Variants in ITGA8 observed in about 807,000 individuals in gnomAD.
ITGA8 encodes the protein integrin alpha-8.
ITGA8 carries 91 observed loss-of-function variants against 142.3 expected under a neutral mutation model. That is an observed-to-expected ratio of 0.64 (90% CI 0.54 to 0.76). The LOEUF is 0.76. Ranked by LOEUF, ITGA8 falls within the 30% of genes least tolerant of loss-of-function variation. The pLI is 0.00. For synonymous variants in ITGA8, 505 were observed against 485.2 expected, an observed-to-expected ratio of 1.04 and a Z score of -0.54; for missense variants, 1,406 against 1,327.7, an observed-to-expected ratio of 1.06 and a Z score of -0.92.
intron 25 of ITGA8, among the ~76,000 whole-genome samples, chr10:15,566,975 T>C (rs1240024348): frequency 3.4e-5 from 5 of 149,118 alleles, no homozygotes; most frequent in African/African-American, 9.8e-5. Context: ...CTGGCCAACA[T>C]GGTGAAAACC....
chr10:15,639,131 TAAAA>T (rs74315607), intron 13 of ITGA8, among the ~76,000 whole-genome samples: 3 of 141,478 alleles, frequency 2.1e-5, no homozygotes, highest in Middle Eastern at 3.2e-3. Context: ...TCCTATCTCT[TAAAA>T]AAAAAAAAAA....
chr10:15,552,999 A>G (rs1249120221), intron 26 of ITGA8, among the ~76,000 whole-genome samples: 1 of 152,186 alleles, frequency 6.6e-6, no homozygotes, highest in East Asian at 1.9e-4. Context: ...GCTCACACCT[A>G]TAACCCCAGC....
intron 27 of ITGA8, among the ~76,000 whole-genome samples, chr10:15,535,361 G>C (rs531283679): frequency 6.6e-6 from 1 of 152,234 alleles, no homozygotes; most frequent in Non-Finnish European, 1.5e-5. Flanking sequence ...CACCTGCGGC[G>C]CCGGTGCGGG....
At chr10:15,634,609 C>T (rs1400896735) in intron 13 of ITGA8, among the ~76,000 whole-genome samples, 1 of 152,144 alleles carries the variant, frequency 6.6e-6, no homozygotes, top group Non-Finnish European at 1.5e-5. Context: ...ACATGGAAGT[C>T]ACTCAACACA....
intron 25 of ITGA8, among the ~76,000 whole-genome samples, chr10:15,564,181 C>T (rs1834033536): frequency 6.6e-6 from 1 of 152,188 alleles, no homozygotes; most frequent in African/African-American, 2.4e-5. Context: ...CACTCTTAAA[C>T]ACCATAGTCA....
chr10:15,613,331 A>G (rs1274332907), intron 15 of ITGA8, among the ~76,000 whole-genome samples: 1 of 152,204 alleles, frequency 6.6e-6, no homozygotes, highest in African/African-American at 2.4e-5. Flanking sequence ...TCTAAGAGCT[A>G]TCTCCAAGAT....
At chr10:15,566,373 G>T (rs1303414386) in intron 25 of ITGA8, among the ~76,000 whole-genome samples, 1 of 152,030 alleles carries the variant, frequency 6.6e-6, no homozygotes, top group Non-Finnish European at 1.5e-5. Flanking sequence ...CCTGAACTTG[G>T]GCCCCAAATG....
Position 15,517,028 on chromosome 10 carries a change from TTCCAGGGTCCC to T in ITGA8, c.*119_*129del. On this transcript the variant is annotated 3_prime_UTR_variant, in exon 30 of 30. Transcript: ENST00000378076. ...AAGTGCGGTGTAGATGAGGTGATGT[TTCCAGGGTCCC>T]CTCCATTTCCTGGGTCACTGTCAGG... 1.9e-6 allele frequency: 1 copy of T among 512,954 alleles called. No individual in the cohort carries two copies. The highest frequency in any genetic ancestry group is 3.6e-5 in the East Asian group (1 of 27,836). The allele number at this position is 512,954 out of a possible 1,614,324, so 31.8% of individuals were successfully genotyped here. A position where few individuals can be genotyped will look rare whatever the true frequency, so the allele number is the denominator to read the frequency against.
intron 4 of ITGA8, among the ~76,000 whole-genome samples, chr10:15,683,733 C>T (rs1834784519): frequency 6.6e-6 from 1 of 152,208 alleles, no homozygotes; most frequent in Non-Finnish European, 1.5e-5. Context: ...GCAACTGACA[C>T]CTTATGGCCT....
At chr10:15,558,399 A>G (rs1325557786) in intron 25 of ITGA8, among the ~76,000 whole-genome samples, 197 bp from the exon 26 acceptor site, 2 of 152,198 alleles carry the variant, frequency 1.3e-5, no homozygotes, top group African/African-American at 2.4e-5. Flanking sequence ...CCACTCTTCA[A>G]TGACAGGAAT....
chr10:15,655,893 C>G (rs538512621), intron 10 of ITGA8, among the ~76,000 whole-genome samples: 9 of 152,186 alleles, frequency 5.9e-5, no homozygotes, highest in Admixed American at 4.6e-4. Context: ...CAAGACCAAC[C>G]CTGGCAATAT....
chr10:15,579,374 A>G (rs763396725), intron 23 of ITGA8, among the ~76,000 whole-genome samples: 1 of 152,136 alleles, frequency 6.6e-6, no homozygotes, highest in Non-Finnish European at 1.5e-5. Context: ...AATGACAGTA[A>G]TATTGAAAAT....
At position 15,642,689 on chromosome 10, in the gene ITGA8, A is replaced by G. The variant is rs1805770710; in HGVS notation, c.1399+1341T>C. On this transcript the variant is annotated intron_variant, in intron 13 of 29. Coordinates refer to ENST00000378076, the MANE Select transcript of ITGA8 (RefSeq NM_003638.3). ...TGCCACAGGTAGGAAGCATTAGTATACGATATAATACCAAATCCACTTTGA... is the reference window on the plus strand; with the variant it reads ...TGCCACAGGTAGGAAGCATTAGTATGCGATATAATACCAAATCCACTTTGA... 3.9e-5 allele frequency among the ~76,000 whole-genome samples: 6 copies of G among 152,350 alleles called. No homozygotes were observed. The South Asian group carries it at 1.2e-3, about 32-fold the overall frequency.
At chr10:15,575,421 C>T in intron 24 of ITGA8, 68 bp downstream of exon 24, 1 of 1,062,248 alleles carries the variant, frequency 9.4e-7, no homozygotes, top group Non-Finnish European at 1.5e-6. Context: ...AATAATGCTA[C>T]ATAGAATTTA....
At chr10:15,704,980 C>T (rs753116446) in intron 2 of ITGA8, among the ~76,000 whole-genome samples, 6 of 138,636 alleles carry the variant, frequency 4.3e-5, no homozygotes, top group African/African-American at 7.9e-5. Context: ...CAGAACAGTT[C>T]GTATTATGGT....
chr10:15,705,373 T>C (rs889425083), intron 2 of ITGA8, among the ~76,000 whole-genome samples: 5 of 152,202 alleles, frequency 3.3e-5, no homozygotes, highest in Non-Finnish European at 5.9e-5. Context: ...ATCATTTTCT[T>C]CCTCCTGCCA....
In ITGA8 at chr10:15,678,741, A is replaced by C. The variant is rs1216318496; in HGVS notation, c.611T>G (p.Phe204Cys). 1.2e-6 allele frequency: 2 copies of C among 1,610,852 alleles called. No individual in the cohort carries two copies. The highest frequency in any genetic ancestry group is 2.2e-5 in the South Asian group (2 of 90,928). The change falls in exon 5 of 30, where the codon TTT (phenylalanine) becomes TGT (cysteine). Residue 204 changes from phenylalanine (F) to cysteine (C), a missense_variant. Physicochemically the swap from Phe to Cys is radical, Grantham distance 205. Transcript: ENST00000378076. ...ATTCACCTTATAAAAATCCAGACTA[A>C]ATCCTGCTTGGCAGTAACCCTGGCC... Reference protein sequence around the residue: ...PEGQGYCQAGFSLDFYKNGDL... With the variant: ...PEGQGYCQAGCSLDFYKNGDL...
chr10:15,606,557 G>T lies in ITGA8; in HGVS notation c.1765-135C>A. The T allele has an allele frequency of 3.8e-6, 3 of 782,224 alleles. No individual in the cohort carries two copies. In the South Asian group the frequency reaches 5.5e-5, roughly 14 times the overall value. The allele number at this position is 782,224 out of a possible 1,614,324, so 48.5% of individuals were successfully genotyped here. A position where few individuals can be genotyped will look rare whatever the true frequency, so the allele number is the denominator to read the frequency against. ...AACAATTATCTTTGCAGCAGGCTTA[G>T]ATGGAGGCTGATTTATGTGGTATAT... On this transcript the variant is annotated intron_variant, in intron 17 of 29. Transcript: ENST00000378076.
At chr10:15,527,914 T>A in intron 28 of ITGA8, among the ~76,000 whole-genome samples, 1 of 128,452 alleles carries the variant, frequency 7.8e-6, no homozygotes, top group South Asian at 2.8e-4. Context: ...GGCTTTTTTT[T>A]TTTTTTTTTT....
Sources: gnomAD v4.1 joint callset for allele counts (sites outside exome capture counted in the v4.1 genomes callset) on GRCh38, gnomAD v4.1.1 for gene constraint, MANE v1.5 for transcripts, NCBI Gene and HGNC (gene_info 2026-07-23, HGNC 2026-07-21) for gene names.